NMBR: variants seen among roughly 807,000 people sequenced by gnomAD.
NMBR encodes the protein neuromedin-B receptor.
Under a neutral mutation model 20.5 loss-of-function variants are expected in NMBR, and 16 were observed. The ratio of observed to expected loss-of-function variants is 0.78; its 90% confidence interval spans 0.53 to 1.19. The LOEUF is 1.19. Among genes scored for constraint, NMBR ranks in the 50% most tolerant of loss-of-function variants. The probability of loss-of-function intolerance (pLI) is 0.00; values close to 1 mark genes in which losing one functional copy is unlikely to be tolerated. For missense variants in NMBR, 582 were observed against 499.1 expected (o/e 1.17, Z -1.58); for synonymous variants, 212 against 196.6 (o/e 1.08, Z -0.65).
intron 1 of NMBR, among the ~76,000 whole-genome samples, chr6:142,096,693 T>A (rs1347524328): frequency 6.6e-6 from 1 of 152,186 alleles, no homozygotes; most frequent in East Asian, 1.9e-4. Context: ...TAGGTCTGCT[T>A]GGTGCAGAGC....
intron 1 of NMBR, among the ~76,000 whole-genome samples, chr6:142,123,020 T>C (rs1468256666): frequency 7.2e-5 from 11 of 151,918 alleles, no homozygotes. Flanking sequence ...ATACATTTCA[T>C]AAAGCTACAG....
intron 1 of NMBR, among the ~76,000 whole-genome samples, chr6:142,131,064 G>C (rs1230354427): frequency 6.6e-6 from 1 of 152,062 alleles, no homozygotes; most frequent in Non-Finnish European, 1.5e-5. Context: ...TCCTATTCCT[G>C]TATCACCATT....
intron 1 of NMBR, among the ~76,000 whole-genome samples, chr6:142,121,556 G>A (rs1167361951): frequency 2.0e-5 from 3 of 151,846 alleles, no homozygotes; most frequent in East Asian, 3.9e-4. Context: ...AAATTATAGT[G>A]GTCTGGATAG....
At chr6:142,083,809 A>AT (rs1777150661) in intron 2 of NMBR, among the ~76,000 whole-genome samples, 1 of 152,314 alleles carries the variant, frequency 6.6e-6, no homozygotes, top group East Asian at 1.9e-4. Flanking sequence ...CTGTGAGTCA[A>AT]TTAAACCTCT....
intron 1 of NMBR, among the ~76,000 whole-genome samples, chr6:142,102,793 C>T (rs1438658100): frequency 2.0e-5 from 3 of 152,076 alleles, no homozygotes; most frequent in African/African-American, 7.2e-5. Flanking sequence ...TAAAGTTGTC[C>T]GTGTATAAGG....
chr6:142,130,048 T>C (rs1443317120), intron 1 of NMBR, among the ~76,000 whole-genome samples: 1 of 152,154 alleles, frequency 6.6e-6, no homozygotes, highest in Non-Finnish European at 1.5e-5. Context: ...TGGTTAGTTC[T>C]CTGCTTGGCC....
At chr6:142,122,025 A>G (rs1582856879) in intron 1 of NMBR, among the ~76,000 whole-genome samples, 1 of 151,922 alleles carries the variant, frequency 6.6e-6, no homozygotes, top group Non-Finnish European at 1.5e-5. Flanking sequence ...CATGCCTCTC[A>G]TTCCCAGTTC....
chr6:142,090,040 T>A (rs187344988), intron 1 of NMBR, among the ~76,000 whole-genome samples: 26 of 152,312 alleles, frequency 1.7e-4, no homozygotes, highest in African/African-American at 5.8e-4. Flanking sequence ...TATGTATGCT[T>A]ATGATTGAGT....
rs549235216 is a variant in NMBR, at chr6:142,100,777, G to A, written c.-663-11456C>T. Among the ~76,000 whole-genome samples, 4 of 152,274 alleles carry A rather than the reference G, an allele frequency of 2.6e-5. No individual in the cohort carries two copies. The East Asian group carries it at 5.8e-4, about 22-fold the overall frequency. The stretch of plus-strand genomic sequence containing the variant: ...CTTTGATGAGGAAAATTGATAATGG[G>A]AGACTATGTACGTGTGTTGGTAGAG... On this transcript the variant is annotated intron_variant, in intron 1 of 3. Transcript: ENST00000258042.
At chr6:142,084,327 C>A (rs1223959436) in intron 2 of NMBR, among the ~76,000 whole-genome samples, 1 of 152,170 alleles carries the variant, frequency 6.6e-6, no homozygotes, top group African/African-American at 2.4e-5. Flanking sequence ...ATCTGATTAT[C>A]CTAACCAGCA....
chr6:142,126,276 T>A (rs1002476233), intron 1 of NMBR, among the ~76,000 whole-genome samples: 156 of 151,972 alleles, frequency 1.0e-3, no homozygotes, highest in African/African-American at 3.4e-3. Context: ...TGTGTGTGTG[T>A]GTGTGTGTGA....
intron 1 of NMBR, among the ~76,000 whole-genome samples, chr6:142,140,778 T>C (rs572988993): frequency 1.3e-5 from 2 of 152,204 alleles, no homozygotes; most frequent in African/African-American, 4.8e-5. Flanking sequence ...AGAGCTCAAT[T>C]GGCTATATTA....
chr6:142,098,939 A>G (rs993605283), intron 1 of NMBR, among the ~76,000 whole-genome samples: 1 of 152,188 alleles, frequency 6.6e-6, no homozygotes, highest in Non-Finnish European at 1.5e-5. Flanking sequence ...AACAGTATGG[A>G]TATTAATGAA....
chr6:142,084,759 A>G (rs9496261), intron 2 of NMBR, among the ~76,000 whole-genome samples: 18,083 of 152,122 alleles, frequency 0.12, 1,325 homozygotes, highest in African/African-American at 0.19. Flanking sequence ...AACATTCCAA[A>G]TTTGGAAACG....
rs777267077 is a variant in NMBR, at chr6:142,132,783, C to G, written c.-664+14261G>C. 3.9e-5 allele frequency among the ~76,000 whole-genome samples: 6 copies of G among 152,114 alleles called. 1 individual carries two copies. The highest frequency in any genetic ancestry group is 4.4e-5 in the Non-Finnish European group (3 of 68,032). On this transcript the variant is annotated intron_variant, in intron 1 of 3. Transcript: ENST00000258042. ...GCTAAAGAGCCCACTAATTTAGATA[C>G]AGTCCATTTTTAGGTAATTGCAGAA...
At chr6:142,115,442 G>A (rs1030006131) in intron 1 of NMBR, among the ~76,000 whole-genome samples, 4 of 152,030 alleles carry the variant, frequency 2.6e-5, no homozygotes, top group African/African-American at 7.2e-5. Flanking sequence ...AAAGGCCAAC[G>A]TGTGGAACAC....
At chr6:142,122,701 C>A (rs752663763) in intron 1 of NMBR, among the ~76,000 whole-genome samples, 4 of 151,734 alleles carry the variant, frequency 2.6e-5, no homozygotes, top group Non-Finnish European at 4.4e-5. Context: ...ATCCTGTAGC[C>A]CTTAAGAATT....
rs1342486500 is a variant in NMBR, at chr6:142,075,980, G to A, written c.841C>T (p.Pro281Ser). The change falls in exon 4 of 4, where the codon CCA (proline) becomes TCA (serine). Residue 281 changes from proline (P) to serine (S), a missense_variant. Coordinates refer to ENST00000258042, the MANE Select transcript of NMBR (RefSeq NM_002511.4). ...CGATACATGTAAAGGATGTGGTTTG[G>A]AAACCAACAGAAGATGAAACAGCCC... is the stretch of plus-strand genomic sequence containing the variant. ...FVGCFIFCWFPNHILYMYRSF... is the reference protein window; with the variant it reads ...FVGCFIFCWFSNHILYMYRSF... 2 of 1,612,722 alleles carry A rather than the reference G, an allele frequency of 1.2e-6. No homozygotes were observed. The highest frequency in any genetic ancestry group is 1.7e-6 in the Non-Finnish European group (2 of 1,179,560).
chr6:142,097,524 G>T (rs144382522), intron 1 of NMBR, among the ~76,000 whole-genome samples: 1 of 152,028 alleles, frequency 6.6e-6, no homozygotes, highest in Non-Finnish European at 1.5e-5. Flanking sequence ...AATGCTCCTC[G>T]ACTTAGGATG....
Sources: allele counts gnomAD v4.1 joint callset (sites outside exome capture counted in the v4.1 genomes callset), GRCh38; gene constraint gnomAD v4.1.1; transcripts MANE v1.5; gene names NCBI Gene and HGNC (gene_info 2026-07-23, HGNC 2026-07-21).